SGMS1: variants seen among roughly 807,000 people sequenced by gnomAD.
SGMS1 encodes sphingomyelin synthase 1, also known as phosphatidylcholine:ceramide cholinephosphotransferase 1.
Under a neutral mutation model 46.2 loss-of-function variants are expected in SGMS1, and 13 were observed. That is an observed-to-expected ratio of 0.28 (90% CI 0.18 to 0.45). The LOEUF is 0.45. SGMS1 is among the 20% of genes least tolerant of loss of function. The probability of loss-of-function intolerance (pLI) is 1.00; values close to 1 mark genes in which losing one functional copy is unlikely to be tolerated. For synonymous variants in SGMS1, 203 were observed against 187.8 expected, an observed-to-expected ratio of 1.08 and a Z score of -0.66; for missense variants, 324 against 519.9, an observed-to-expected ratio of 0.62 and a Z score of 3.66.
chr10:50,482,715 C>T (rs1179987541), intron 3 of SGMS1, among the ~76,000 whole-genome samples: 2 of 152,166 alleles, frequency 1.3e-5, no homozygotes, highest in African/African-American at 4.8e-5. Context: ...ACACTACTAT[C>T]CTTAAATGTA....
At chr10:50,359,710 T>C (rs1464396857) in intron 6 of SGMS1, among the ~76,000 whole-genome samples, 2 of 151,082 alleles carry the variant, frequency 1.3e-5, no homozygotes, top group Non-Finnish European at 3.0e-5. Context: ...AAAAAGAATC[T>C]AAAAGCTCTA....
intron 6 of SGMS1, among the ~76,000 whole-genome samples, chr10:50,369,729 C>G (rs1185870119): frequency 6.6e-6 from 1 of 152,150 alleles, no homozygotes; most frequent in Non-Finnish European, 1.5e-5. Flanking sequence ...AACAAAGATC[C>G]AAGTTCTGCC....
chr10:50,587,327 T>C (rs1838493114), intron 2 of SGMS1, among the ~76,000 whole-genome samples: 2 of 152,194 alleles, frequency 1.3e-5, no homozygotes, highest in Non-Finnish European at 2.9e-5. Context: ...TGAGGTATGC[T>C]GTGAATGCAT....
rs370464363 is a variant in SGMS1, at chr10:50,615,787, C to G, written c.-684+7920G>C. On this transcript the variant is annotated intron_variant, in intron 1 of 10. Transcript: ENST00000361781. ...CCTCCCTAAACTAGTTCCACCCAAG[C>G]CAAATCAAAACTTCACAGAGCAGAA... 2.6e-5 allele frequency among the ~76,000 whole-genome samples: 4 copies of G among 152,318 alleles called. No individual in the cohort carries two copies. The East Asian group carries it at 7.7e-4, about 29-fold the overall frequency.
chr10:50,484,576 T>G (rs1212354975), intron 3 of SGMS1, among the ~76,000 whole-genome samples: 1 of 152,046 alleles, frequency 6.6e-6, no homozygotes, highest in African/African-American at 2.4e-5. Flanking sequence ...TACCAAAACC[T>G]GGCAGAGAAA....
intron 5 of SGMS1, among the ~76,000 whole-genome samples, chr10:50,449,728 C>G (rs1015992898): frequency 3.3e-5 from 5 of 151,892 alleles, no homozygotes; most frequent in African/African-American, 1.2e-4. Flanking sequence ...TTTGCCATAG[C>G]CTCTGATCCA....
chr10:50,480,760 T>A (rs72801783), intron 3 of SGMS1, among the ~76,000 whole-genome samples: 1,694 of 152,214 alleles, frequency 0.011, 17 homozygotes, highest in Non-Finnish European at 0.017. Context: ...CTAAGATGAC[T>A]GAGTTCCTGT....
At chr10:50,451,294 T>C (rs1837106115) in intron 5 of SGMS1, among the ~76,000 whole-genome samples, 1 of 152,188 alleles carries the variant, frequency 6.6e-6, no homozygotes, top group Admixed American at 6.5e-5. Context: ...ATGAATCCAG[T>C]TGGCATGTTT....
At chr10:50,364,609 A>C (rs1226059704) in intron 6 of SGMS1, among the ~76,000 whole-genome samples, 4 of 152,320 alleles carry the variant, frequency 2.6e-5, no homozygotes, top group African/African-American at 7.2e-5. Context: ...ACTTCCAATC[A>C]CAACCTTGTA....
intron 7 of SGMS1, among the ~76,000 whole-genome samples, chr10:50,339,686 T>C (rs1847780101): frequency 6.6e-6 from 1 of 152,182 alleles, no homozygotes; most frequent in Non-Finnish European, 1.5e-5. Flanking sequence ...ATGAATGAAT[T>C]TCAGGTAAGC....
chr10:50,401,487 C>A (rs10825904), intron 6 of SGMS1, among the ~76,000 whole-genome samples: 25,057 of 152,098 alleles, frequency 0.16, 2,547 homozygotes, highest in East Asian at 0.26. Flanking sequence ...AACACAGAAG[C>A]ATTCATTTTC....
At chr10:50,378,899 G>GT (rs1425070422) in intron 6 of SGMS1, among the ~76,000 whole-genome samples, 2 of 152,070 alleles carry the variant, frequency 1.3e-5, no homozygotes, top group East Asian at 3.8e-4. Flanking sequence ...GAGTAGGGAG[G>GT]TTTTTTCTTC....
intron 6 of SGMS1, among the ~76,000 whole-genome samples, chr10:50,426,669 A>C (rs181406327): frequency 9.9e-6 from 1 of 100,762 alleles, no homozygotes; most frequent in East Asian, 3.8e-4. Flanking sequence ...TGTGGTCAGA[A>C]GTAATGAAAC....
At chr10:50,552,072 T>G (rs532291837) in intron 2 of SGMS1, among the ~76,000 whole-genome samples, 1 of 152,280 alleles carries the variant, frequency 6.6e-6, no homozygotes, top group African/African-American at 2.4e-5. Flanking sequence ...AAAACTTTAT[T>G]TATAAAAACA....
chr10:50,366,278 G>A (rs559024400), intron 6 of SGMS1, among the ~76,000 whole-genome samples: 4 of 152,232 alleles, frequency 2.6e-5, no homozygotes, highest in East Asian at 1.9e-4. Flanking sequence ...TTAGAGTGGC[G>A]ATCATTAAAA....
chr10:50,453,052 C>T (rs908066977), intron 5 of SGMS1, among the ~76,000 whole-genome samples: 1 of 152,096 alleles, frequency 6.6e-6, no homozygotes, highest in Non-Finnish European at 1.5e-5. Flanking sequence ...ACAGCTCACA[C>T]AGATAAAACT....
rs1847175355 is a variant in SGMS1, at chr10:50,305,810, T to C, written c.*1332A>G. 6.5e-6 allele frequency: 1 copy of C among 152,716 alleles called. No individual in the cohort carries two copies. Among genetic ancestry groups the C allele is most frequent in the South Asian group, 2.1e-4 (1 of 4,828 alleles). 9.5% of individuals were successfully genotyped at this position (152,716 alleles called of 1,614,324 possible). A position where few individuals can be genotyped will look rare whatever the true frequency, so the allele number is the denominator to read the frequency against. ...ATACACAAAAAAATCCTACGGAAGA[T>C]AATTCTGCTGCACGTAAAATACAGA... On this transcript the variant is annotated 3_prime_UTR_variant, in exon 11 of 11. Transcript: ENST00000361781.
At chr10:50,517,758 AC>A (rs1199606147) in intron 3 of SGMS1, among the ~76,000 whole-genome samples, 1 of 152,160 alleles carries the variant, frequency 6.6e-6, no homozygotes, top group Non-Finnish European at 1.5e-5. Flanking sequence ...AACACCAAAG[AC>A]AAATAAACAA....
intron 5 of SGMS1, among the ~76,000 whole-genome samples, chr10:50,439,557 T>A (rs1177442355): frequency 6.6e-6 from 1 of 152,126 alleles, no homozygotes; most frequent in East Asian, 1.9e-4. Flanking sequence ...ACATGAGAGA[T>A]GAAATCAATG....
Sources: allele counts gnomAD v4.1 joint callset (sites outside exome capture counted in the v4.1 genomes callset), GRCh38; gene constraint gnomAD v4.1.1; transcripts MANE v1.5; gene names NCBI Gene and HGNC (gene_info 2026-07-23, HGNC 2026-07-21).